The following THSD7B variants were observed in gnomAD, a reference collection of about 807,000 sequenced individuals.
THSD7B encodes thrombospondin type-1 domain-containing protein 7B.
Under a neutral mutation model 213.6 loss-of-function variants are expected in THSD7B, and 138 were observed. That is an observed-to-expected ratio of 0.65 (90% CI 0.56 to 0.74). THSD7B has a LOEUF of 0.74. Ranked by LOEUF, THSD7B falls within the 30% of genes least tolerant of loss-of-function variation. THSD7B has a pLI of 0.00. For missense variants in THSD7B, 1,931 were observed against 1,991.5 expected (o/e 0.97, Z 0.58); for synonymous variants, 742 against 687.0 (o/e 1.08, Z -1.25).
At chr2:137,228,924 A>G (rs1681577470) in intron 7 of THSD7B, among the ~76,000 whole-genome samples, 2 of 152,208 alleles carry the variant, frequency 1.3e-5, no homozygotes, top group South Asian at 2.1e-4. Context: ...ACAATTTCAT[A>G]GTTCTTTAAT....
intron 12 of THSD7B, among the ~76,000 whole-genome samples, chr2:137,397,738 C>G (rs1430625726): frequency 1.3e-5 from 2 of 151,934 alleles, no homozygotes; most frequent in African/African-American, 4.8e-5. Flanking sequence ...GATATTATCT[C>G]CTGGATAATA....
At chr2:137,193,347 G>A (rs1052206567) in intron 7 of THSD7B, among the ~76,000 whole-genome samples, 13 of 152,136 alleles carry the variant, frequency 8.5e-5, no homozygotes, top group East Asian at 1.9e-4. Context: ...GCAAATTGAT[G>A]TTAAATTTAT....
At chr2:137,192,158 C>T (rs981917839) in intron 7 of THSD7B, among the ~76,000 whole-genome samples, 1 of 152,050 alleles carries the variant, frequency 6.6e-6, no homozygotes, top group African/African-American at 2.4e-5. Flanking sequence ...GTGGGAAAAG[C>T]CCCTGTGATC....
At chr2:137,659,350 G>T (rs1358716952) in intron 24 of THSD7B, among the ~76,000 whole-genome samples, 2 of 152,130 alleles carry the variant, frequency 1.3e-5, no homozygotes, top group South Asian at 2.1e-4. Flanking sequence ...TTTAAATTTA[G>T]ATTTTATCAA....
chr2:137,220,105 T>C (rs1160721771), intron 7 of THSD7B, among the ~76,000 whole-genome samples: 1 of 152,210 alleles, frequency 6.6e-6, no homozygotes, highest in African/African-American at 2.4e-5. Flanking sequence ...TAGAGCAATG[T>C]ATTTTCTGTT....
chr2:136,899,783 G>A (rs950028428), intron 2 of THSD7B, among the ~76,000 whole-genome samples: 1 of 152,134 alleles, frequency 6.6e-6, no homozygotes, highest in Non-Finnish European at 1.5e-5. Flanking sequence ...AGTATTATAA[G>A]CTGATTTTAA....
chr2:137,311,589 T>A (rs1352066279), intron 12 of THSD7B, among the ~76,000 whole-genome samples: 1 of 152,164 alleles, frequency 6.6e-6, no homozygotes, highest in East Asian at 1.9e-4. Context: ...GTGCCCGTTT[T>A]CAAAGGGAAT....
chr2:137,477,806 G>A (rs1439231086), intron 15 of THSD7B, among the ~76,000 whole-genome samples: 1 of 151,902 alleles, frequency 6.6e-6, no homozygotes, highest in East Asian at 1.9e-4. Flanking sequence ...TGCTTGTCTA[G>A]GAAAGACTTT....
rs1687637155 is a variant in THSD7B at position 137,450,912 on chromosome 2, G to C, written c.3027G>C (p.Trp1009Cys). The C allele has an allele frequency of 6.2e-7, 1 of 1,613,354 alleles. No individual in the cohort carries two copies. ...GCAAGTTAAGCGATTGGTCTAGTTG[G>C]GGGTCTTGCAGTTCATCTTGTGGAA... The part of the protein sequence containing the change: ...FDCKLSDWSS[W>C]GSCSSSCGIG... The change falls in exon 15 of 28, where the codon TGG becomes TGC. Residue 1009 changes from tryptophan to cysteine, a missense_variant. Physicochemically the swap from Trp to Cys is radical, Grantham distance 215 (BLOSUM62 -2). Coordinates refer to ENST00000409968, the MANE Select transcript of THSD7B (RefSeq NM_001316349.2).
At chr2:137,258,487 C>T (rs186846046) in intron 10 of THSD7B, among the ~76,000 whole-genome samples, 1 of 152,076 alleles carries the variant, frequency 6.6e-6, no homozygotes, top group Admixed American at 6.6e-5. Flanking sequence ...CCTGTCCTTC[C>T]CCATATATTA....
rs375042823 is a variant in THSD7B, at chr2:137,282,152, C to T, written c.2500+6126C>T. 3.6e-4 allele frequency among the ~76,000 whole-genome samples: 55 copies of T among 152,066 alleles called. 1 individual carries two copies. In the East Asian group the frequency reaches 8.3e-3, roughly 23 times the overall value. On this transcript the variant is annotated intron_variant, in intron 12 of 27. Transcript: ENST00000409968. The stretch of plus-strand genomic sequence containing the variant: ...TTTTGATTTGCATTTCTCTGATGGC[C>T]AGTGATGATGAGCATTTTTTCATGT...
chr2:137,189,667 T>C (rs1198836942), intron 7 of THSD7B, among the ~76,000 whole-genome samples: 1 of 151,824 alleles, frequency 6.6e-6, no homozygotes, highest in African/African-American at 2.4e-5. Context: ...CTTGCCATGG[T>C]ACCATGCTCT....
At chr2:137,171,659 C>T (rs1230257474) in intron 7 of THSD7B, among the ~76,000 whole-genome samples, 12 of 152,142 alleles carry the variant, frequency 7.9e-5, no homozygotes, top group Non-Finnish European at 1.5e-4. Context: ...ATCAGCTCTG[C>T]CATGAGAAGC....
chr2:137,454,117 G>A (rs578161936), intron 15 of THSD7B, among the ~76,000 whole-genome samples: 1 of 152,224 alleles, frequency 6.6e-6, no homozygotes, highest in South Asian at 2.1e-4. Context: ...AATTTTTGTA[G>A]TAAATGCCCA....
chr2:137,080,289 C>T (rs1429459860), intron 3 of THSD7B, among the ~76,000 whole-genome samples: 1 of 151,658 alleles, frequency 6.6e-6, no homozygotes, highest in Admixed American at 6.6e-5. Flanking sequence ...CAACCTCTGC[C>T]TCCTGGATTC....
chr2:137,370,160 T>A (rs2104948323), intron 12 of THSD7B, among the ~76,000 whole-genome samples: 1 of 152,328 alleles, frequency 6.6e-6, no homozygotes, highest in Non-Finnish European at 1.5e-5. Flanking sequence ...CTGTATGTCA[T>A]GTATTTGATC....
intron 1 of THSD7B, among the ~76,000 whole-genome samples, chr2:136,778,938 C>A (rs956075460): frequency 1.3e-5 from 2 of 152,090 alleles, no homozygotes; most frequent in African/African-American, 4.8e-5. Context: ...AAGAATGCAT[C>A]AGCTCATTTT....
intron 12 of THSD7B, among the ~76,000 whole-genome samples, chr2:137,369,991 TGC>T (rs1454984878): frequency 8.6e-5 from 13 of 151,532 alleles, no homozygotes; most frequent in Admixed American, 7.9e-4. Context: ...AGAAAAAATC[TGC>T]CACTTTTTGT....
At chr2:137,519,013 C>T (rs930213201) in intron 15 of THSD7B, among the ~76,000 whole-genome samples, 2 of 152,098 alleles carry the variant, frequency 1.3e-5, no homozygotes, top group African/African-American at 4.8e-5. Flanking sequence ...TTTGGGAGGC[C>T]AAGGCAGGTG....
Sources: gnomAD v4.1 joint callset for allele counts (sites outside exome capture counted in the v4.1 genomes callset) on GRCh38, gnomAD v4.1.1 for gene constraint, MANE v1.5 for transcripts, NCBI Gene and HGNC (gene_info 2026-07-23, HGNC 2026-07-21) for gene names.